Variants in CNTNAP2 observed in about 807,000 individuals in gnomAD.
The protein encoded by CNTNAP2 is contactin-associated protein-like 2.
A neutral mutation model predicts 155.2 loss-of-function variants in CNTNAP2; 98 were observed. The ratio of observed to expected loss-of-function variants is 0.63; its 90% CI spans 0.54 to 0.75. The LOEUF (loss-of-function observed/expected upper bound fraction) is 0.75, where lower values mean the gene tolerates loss of function less well. Among genes scored for constraint, CNTNAP2 ranks in the 30% least tolerant of loss-of-function variants. The probability of loss-of-function intolerance (pLI) is 0.00; values close to 1 mark genes in which losing one functional copy is unlikely to be tolerated. For synonymous variants in CNTNAP2, 651 were observed against 631.2 expected (o/e 1.03, Z -0.47); for missense variants, 1,727 against 1,688.1 (o/e 1.02, Z -0.40).
At chr7:146,911,037 C>CA (rs1024860612) in intron 3 of CNTNAP2, among the ~76,000 whole-genome samples, 1 of 151,784 alleles carries the variant, frequency 6.6e-6, no homozygotes, top group Non-Finnish European at 1.5e-5. Flanking sequence ...TTTATGCAGC[C>CA]AAAAAACACA....
At chr7:146,119,049 T>C (rs1283706097) in intron 1 of CNTNAP2, among the ~76,000 whole-genome samples, 1 of 152,042 alleles carries the variant, frequency 6.6e-6, no homozygotes, top group African/African-American at 2.4e-5. Context: ...TTAATGAACA[T>C]TTTTATTTAC....
At chr7:148,365,663 T>A (rs754207331) in intron 21 of CNTNAP2, among the ~76,000 whole-genome samples, 1 of 147,588 alleles carries the variant, frequency 6.8e-6, no homozygotes, top group Non-Finnish European at 1.5e-5. Context: ...AGACTCCATC[T>A]CATATATACT....
chr7:147,023,773 G>A (rs986686628), intron 3 of CNTNAP2, among the ~76,000 whole-genome samples: 4 of 152,194 alleles, frequency 2.6e-5, no homozygotes, highest in African/African-American at 9.7e-5. Context: ...TGAGTCACCT[G>A]CAGTCACCAC....
At chr7:146,211,694 C>T (rs1030281661) in intron 1 of CNTNAP2, among the ~76,000 whole-genome samples, 3 of 152,050 alleles carry the variant, frequency 2.0e-5, no homozygotes, top group African/African-American at 7.2e-5. Flanking sequence ...ATTGGAATAG[C>T]TTGGCCACTT....
chr7:147,952,970 C>T (rs1800960608), intron 14 of CNTNAP2, among the ~76,000 whole-genome samples: 1 of 152,090 alleles, frequency 6.6e-6, no homozygotes, highest in South Asian at 2.1e-4. Flanking sequence ...AGGGAATATT[C>T]CCAAGGTCAC....
chr7:147,987,105 G>A (rs1197608143), intron 15 of CNTNAP2, among the ~76,000 whole-genome samples: 1 of 152,146 alleles, frequency 6.6e-6, no homozygotes, highest in Non-Finnish European at 1.5e-5. Flanking sequence ...AAATTTTCAG[G>A]ATCACAACCT....
chr7:148,066,379 T>C (rs564840196), intron 15 of CNTNAP2, among the ~76,000 whole-genome samples: 3 of 152,348 alleles, frequency 2.0e-5, no homozygotes, highest in African/African-American at 7.2e-5. Flanking sequence ...AAGTAAGTTT[T>C]CCAAACATTT....
chr7:146,646,397 C>T (rs1194427014), intron 1 of CNTNAP2, among the ~76,000 whole-genome samples: 2 of 151,992 alleles, frequency 1.3e-5, no homozygotes, highest in Non-Finnish European at 2.9e-5. Flanking sequence ...TAATTATTTA[C>T]ATTAAAATTT....
chr7:147,244,614 A>G (rs918950015), intron 8 of CNTNAP2, among the ~76,000 whole-genome samples: 75 of 152,146 alleles, frequency 4.9e-4, no homozygotes, highest in African/African-American at 1.7e-3. Context: ...TCCACCAGGA[A>G]CTTACATTTT....
intron 1 of CNTNAP2, among the ~76,000 whole-genome samples, chr7:146,415,172 A>G (rs1192279538): frequency 6.6e-6 from 1 of 152,128 alleles, no homozygotes; most frequent in Non-Finnish European, 1.5e-5. Flanking sequence ...TGAAGAAAGT[A>G]ACTGCCATGG....
At chr7:148,036,697 G>A (rs1337171047) in intron 15 of CNTNAP2, among the ~76,000 whole-genome samples, 3 of 152,058 alleles carry the variant, frequency 2.0e-5, no homozygotes, top group Admixed American at 2.0e-4. Flanking sequence ...ACTAAGACGA[G>A]CAGTTATGTT....
intron 1 of CNTNAP2, among the ~76,000 whole-genome samples, chr7:146,218,366 G>A (rs185982861): frequency 0.044 from 6,709 of 152,060 alleles, 513 homozygotes; most frequent in African/African-American, 0.15. Flanking sequence ...AAAATTAGCC[G>A]GGCGTGGTGG....
chr7:146,256,287 G>A (rs899530183), intron 1 of CNTNAP2, among the ~76,000 whole-genome samples: 1 of 152,050 alleles, frequency 6.6e-6, no homozygotes, highest in Non-Finnish European at 1.5e-5. Context: ...TCTATTGTCA[G>A]TTTTGTTATG....
intron 1 of CNTNAP2, among the ~76,000 whole-genome samples, chr7:146,366,900 TAGAC>T (rs1051030621): frequency 6.6e-6 from 1 of 152,170 alleles, no homozygotes; most frequent in Admixed American, 6.6e-5. Context: ...GATCCATCTT[TAGAC>T]AGACCTCAAC....
intron 4 of CNTNAP2, among the ~76,000 whole-genome samples, chr7:147,075,499 G>A (rs1264222304): frequency 6.6e-6 from 1 of 151,980 alleles, no homozygotes; most frequent in East Asian, 1.9e-4. Flanking sequence ...GCTATTTGGG[G>A]AGTAATATTT....
intron 3 of CNTNAP2, among the ~76,000 whole-genome samples, chr7:146,960,140 G>C (rs1412466949): frequency 6.6e-6 from 1 of 152,040 alleles, no homozygotes; most frequent in Non-Finnish European, 1.5e-5. Context: ...TGCACTGAAA[G>C]TTCTCCTAAC....
intron 10 of CNTNAP2, among the ~76,000 whole-genome samples, chr7:147,423,628 A>G (rs1178217918): frequency 1.3e-5 from 2 of 152,126 alleles, no homozygotes; most frequent in Non-Finnish European, 2.9e-5. Flanking sequence ...GGAGTTTTCA[A>G]TATCCATGTA....
chr7:146,787,419 G>A (rs900701463), intron 2 of CNTNAP2, among the ~76,000 whole-genome samples: 33 of 152,012 alleles, frequency 2.2e-4, no homozygotes, highest in African/African-American at 7.5e-4. Flanking sequence ...TGGCGGGTTC[G>A]TGGTCTCGCT....
chr7:147,470,485 C>A (rs111230273), intron 10 of CNTNAP2, among the ~76,000 whole-genome samples: 1 of 129,312 alleles, frequency 7.7e-6, no homozygotes. Context: ...GCTATGATAG[C>A]GTCTTGGATT....
Sources: gnomAD v4.1 joint callset for allele counts (sites outside exome capture counted in the v4.1 genomes callset) on GRCh38, gnomAD v4.1.1 for gene constraint, MANE v1.5 for transcripts, NCBI Gene and HGNC (gene_info 2026-07-23, HGNC 2026-07-21) for gene names.